The following B3GALT5 variants were observed in gnomAD, a reference collection of about 807,000 sequenced individuals.
B3GALT5 encodes the protein UDP-Gal:betaGlcNAc beta 1,3-galactosyltransferase, polypeptide 5.
For synonymous variants in B3GALT5, 156 were observed against 158.6 expected (o/e 0.98, Z 0.12); for missense variants, 328 against 396.6 (o/e 0.83, Z 1.47).
intron 1 of B3GALT5, among the ~76,000 whole-genome samples, chr21:39,633,598 AC>A (rs748659091): frequency 2.0e-5 from 3 of 152,082 alleles, no homozygotes; most frequent in African/African-American, 4.8e-5. Flanking sequence ...CTTACCAGAA[AC>A]CCTTGTATCC....
rs2079600739 is a variant in B3GALT5, at chr21:39,668,758, ATTTTACCT to A, written c.*7268_*7275del. ...CTGGAGTCAGGCTGCCTGGGTTTGA[ATTTTACCT>A]TCCTCGCCAAGTCCCTTGAGTGGCA... On this transcript the variant is annotated 3_prime_UTR_variant, in exon 4 of 4. Transcript: ENST00000684187. 1 of 152,128 alleles carries A rather than the reference ATTTTACCT, an allele frequency of 6.6e-6. No individual in the cohort carries two copies. The highest frequency in any genetic ancestry group is 2.4e-5 in the African/African-American group (1 of 41,406). 9.4% of individuals were successfully genotyped at this position (152,128 alleles called of 1,614,324 possible). A position where few individuals can be genotyped will look rare whatever the true frequency, so the allele number is the denominator to read the frequency against.
chr21:39,653,086 G>T (rs1038801235), intron 2 of B3GALT5, among the ~76,000 whole-genome samples: 5 of 152,072 alleles, frequency 3.3e-5, no homozygotes, highest in African/African-American at 4.8e-5. Flanking sequence ...TCTCTCCAGA[G>T]GTTCCTCTGT....
rs1330689385 is a variant in B3GALT5 at position 39,665,227 on chromosome 21, G to C, written c.*3735G>C. 1 of 152,066 alleles carries C rather than the reference G, an allele frequency of 6.6e-6. No individual in the cohort carries two copies. Among genetic ancestry groups the C allele is most frequent in the East Asian group, 1.9e-4 (1 of 5,148 alleles). 9.4% of individuals were successfully genotyped at this position (152,066 alleles called of 1,614,324 possible). A position where few individuals can be genotyped will look rare whatever the true frequency, so the allele number is the denominator to read the frequency against. ...TCTGGTGCATCAGGAAAGACTGTGG[G>C]AACTACCTTCAAATTCTCTCCAGGA... On this transcript the variant is annotated 3_prime_UTR_variant, in exon 4 of 4. Transcript: ENST00000684187.
At chr21:39,650,595 C>T (rs763999152) in intron 2 of B3GALT5, among the ~76,000 whole-genome samples, 25 of 152,240 alleles carry the variant, frequency 1.6e-4, no homozygotes, top group Middle Eastern at 3.4e-3. Context: ...ACCAAGGGGA[C>T]GCCACAAGCA....
intron 1 of B3GALT5, among the ~76,000 whole-genome samples, chr21:39,622,542 G>A (rs953240439): frequency 2.0e-5 from 3 of 152,002 alleles, no homozygotes; most frequent in African/African-American, 7.2e-5. Flanking sequence ...AGCTGCATTA[G>A]GGGTTGGTTT....
chr21:39,672,302 G>A lies in B3GALT5; in HGVS notation c.*10810G>A, dbSNP rs533797732. On this transcript the variant is annotated 3_prime_UTR_variant, in exon 4 of 4. Transcript: ENST00000684187. Reference sequence around the variant, plus strand: ...AATTCGGCTCCAGAGAGTATCAGATGGGAAATAGATGACTTGTTTTACCTG... The same window carrying A: ...AATTCGGCTCCAGAGAGTATCAGATAGGAAATAGATGACTTGTTTTACCTG... The A allele has an allele frequency of 1.1e-4, 16 of 152,288 alleles. No homozygotes were observed. The highest frequency in any genetic ancestry group is 9.8e-4 in the Admixed American group (15 of 15,298). 9.4% of individuals were successfully genotyped at this position (152,288 alleles called of 1,614,324 possible).
intron 1 of B3GALT5, among the ~76,000 whole-genome samples, chr21:39,634,547 G>A (rs771557812): frequency 4.6e-5 from 7 of 151,916 alleles, no homozygotes; most frequent in African/African-American, 1.2e-4. Flanking sequence ...CTTTTACTGC[G>A]GGTCGCTCAC....
intron 1 of B3GALT5, among the ~76,000 whole-genome samples, chr21:39,624,835 C>A (rs1243797223): frequency 1.3e-5 from 2 of 151,208 alleles, no homozygotes; most frequent in Non-Finnish European, 2.9e-5. Flanking sequence ...ATAAAATCAC[C>A]TCGTCCAAGG....
intron 2 of B3GALT5, chr21:39,657,774 G>T (rs962366522): frequency 1.0e-6 from 1 of 990,458 alleles, no homozygotes; most frequent in Non-Finnish European, 1.3e-6. Flanking sequence ...CTGTTGATTC[G>T]ATCTCTCTAG....
At position 39,666,895 on chromosome 21, in the gene B3GALT5, A is replaced by C. The variant is rs2079583263; in HGVS notation, c.*5403A>C. ...CCCACACCTGTCTGGATTCATCCCG[A>C]CTCGAGCCACCTCCTCCTAACTGGT... is the stretch of plus-strand genomic sequence containing the variant. On this transcript the variant is annotated 3_prime_UTR_variant, in exon 4 of 4. Transcript: ENST00000684187. The C allele has an allele frequency of 6.6e-6, 1 of 151,822 alleles. No homozygotes were observed. The highest frequency in any genetic ancestry group is 6.6e-5 in the Admixed American group (1 of 15,244). The allele number at this position is 151,822 out of a possible 1,614,324, so 9.4% of individuals were successfully genotyped here.
chr21:39,614,885 C>G (rs905931480), intron 1 of B3GALT5, among the ~76,000 whole-genome samples: 1 of 152,184 alleles, frequency 6.6e-6, no homozygotes, highest in African/African-American at 2.4e-5. Flanking sequence ...ATCCTGAATC[C>G]TGGTTACAGT....
chr21:39,621,865 G>A (rs922714022), intron 1 of B3GALT5, among the ~76,000 whole-genome samples: 4 of 151,952 alleles, frequency 2.6e-5, no homozygotes, highest in African/African-American at 7.2e-5. Context: ...TTTTGAGTAT[G>A]TAGATAATTT....
rs2079538829 is a variant in B3GALT5 at position 39,662,528 on chromosome 21, G to A, written c.*1036G>A. ...CCCTCGGGCTCAGAGCCCTAAAGTGGGCCCTGGTGAAGCAGGGTGGTCCTG... is the reference window on the plus strand; with the variant it reads ...CCCTCGGGCTCAGAGCCCTAAAGTGAGCCCTGGTGAAGCAGGGTGGTCCTG... On this transcript the variant is annotated 3_prime_UTR_variant, in exon 4 of 4. Transcript: ENST00000684187. 1 of 167,084 alleles carries A rather than the reference G, an allele frequency of 6.0e-6. No homozygotes were observed. The highest frequency in any genetic ancestry group is 2.4e-5 in the African/African-American group (1 of 41,428). 10.4% of individuals were successfully genotyped at this position (167,084 alleles called of 1,614,324 possible). A position where few individuals can be genotyped will look rare whatever the true frequency, so the allele number is the denominator to read the frequency against.
At chr21:39,613,927 AT>A (rs1395869914) in intron 1 of B3GALT5, among the ~76,000 whole-genome samples, 1 of 152,238 alleles carries the variant, frequency 6.6e-6, no homozygotes, top group African/African-American at 2.4e-5. Context: ...TATTGTAAAT[AT>A]TAACATTACT....
chr21:39,631,701 G>A (rs369596476), intron 1 of B3GALT5, among the ~76,000 whole-genome samples: 5 of 152,270 alleles, frequency 3.3e-5, no homozygotes, highest in African/African-American at 1.2e-4. Flanking sequence ...AAACAGATAC[G>A]CTTAAATATT....
chr21:39,630,929 A>G (rs1052351970), intron 1 of B3GALT5, among the ~76,000 whole-genome samples: 1 of 152,156 alleles, frequency 6.6e-6, no homozygotes, highest in Non-Finnish European at 1.5e-5. Context: ...GGGAAAAATT[A>G]TATGGAAAAA....
intron 1 of B3GALT5, among the ~76,000 whole-genome samples, chr21:39,637,000 T>C (rs2079232794): frequency 1.3e-5 from 2 of 152,204 alleles, no homozygotes; most frequent in Non-Finnish European, 2.9e-5. Context: ...TTCCTCTTAG[T>C]GTCTGTGTTT....
chr21:39,653,661 A>G (rs1177353820), intron 2 of B3GALT5, among the ~76,000 whole-genome samples: 2 of 152,220 alleles, frequency 1.3e-5, no homozygotes, highest in South Asian at 4.1e-4. Flanking sequence ...ATTTCTGGCA[A>G]GTTCCAGAGG....
chr21:39,619,298 A>C (rs1359585607), intron 1 of B3GALT5, among the ~76,000 whole-genome samples: 3 of 152,164 alleles, frequency 2.0e-5, no homozygotes, highest in South Asian at 2.1e-4. Flanking sequence ...GTGTCCTTAC[A>C]TGCAGAAAGA....
Sources: allele counts gnomAD v4.1 joint callset (sites outside exome capture counted in the v4.1 genomes callset), GRCh38; gene constraint gnomAD v4.1.1; transcripts MANE v1.5; gene names NCBI Gene and HGNC (gene_info 2026-07-23, HGNC 2026-07-21).